The following NCKAP5 variants were observed in gnomAD, a reference collection of about 807,000 sequenced individuals.
The protein encoded by NCKAP5 is NCK associated protein 5.
In NCKAP5, 92 loss-of-function variants were observed where a neutral mutation model predicts 167.0. The observed-to-expected ratio is 0.55, with a 90% CI of 0.47 to 0.66. NCKAP5 has a LOEUF of 0.66. Among genes scored for constraint, NCKAP5 ranks in the 30% least tolerant of loss-of-function variants. The probability of loss-of-function intolerance (pLI) is 0.00; values close to 1 mark genes in which losing one functional copy is unlikely to be tolerated. For synonymous variants in NCKAP5, 891 were observed against 877.4 expected (o/e 1.02, Z -0.27); for missense variants, 2,378 against 2,315.0 (o/e 1.03, Z -0.56).
Position 132,782,287 on chromosome 2 carries a change from G to A in NCKAP5, c.4524C>T (p.Ser1508=), listed in dbSNP as rs1353510611. 6.2e-7 allele frequency: 1 copy of A among 1,613,982 alleles called. No homozygotes were observed. The highest frequency in any genetic ancestry group is 1.7e-4 in the Middle Eastern group (1 of 6,060). ...AKQKPGPSFA[S]WFGFRKSRLP... is the part of the protein sequence containing the mutation. ...GTCTACTCTTCCGAAAACCAAACCA[G>A]CTGGCAAAAGAAGGCCCAGGCTTCT... The change falls in exon 14 of 20, where the codon AGC becomes AGT. Residue 1508 remains serine, a synonymous_variant. Transcript: ENST00000409261.
intron 2 of NCKAP5, among the ~76,000 whole-genome samples, chr2:133,551,422 C>T (rs1219367229): frequency 8.9e-6 from 1 of 112,592 alleles, no homozygotes; most frequent in Non-Finnish European, 1.8e-5. Flanking sequence ...CAGAACAGAG[C>T]CCTCAGAAAT....
intron 11 of NCKAP5, among the ~76,000 whole-genome samples, chr2:132,838,493 G>A (rs1041153555): frequency 5.3e-5 from 8 of 152,054 alleles, no homozygotes; most frequent in African/African-American, 1.4e-4. Flanking sequence ...TTAGCCGGGC[G>A]TGGTGGCAGG....
chr2:132,977,064 G>C (rs2076997417), intron 7 of NCKAP5, among the ~76,000 whole-genome samples: 1 of 152,148 alleles, frequency 6.6e-6, no homozygotes, highest in Admixed American at 6.5e-5. Context: ...CTCAGTCCAA[G>C]TTCAGTAAGT....
At chr2:133,380,997 T>G (rs1686480476) in intron 3 of NCKAP5, among the ~76,000 whole-genome samples, 1 of 152,168 alleles carries the variant, frequency 6.6e-6, no homozygotes, top group African/African-American at 2.4e-5. Context: ...CCCCCTCTTA[T>G]CCCACAAAAT....
intron 3 of NCKAP5, among the ~76,000 whole-genome samples, chr2:133,303,687 T>A (rs937536013): frequency 6.7e-6 from 1 of 150,052 alleles, no homozygotes; most frequent in Non-Finnish European, 1.5e-5. Context: ...TAAAAAGACC[T>A]GAAAGGTATG....
upstream of NCKAP5, among the ~76,000 whole-genome samples, chr2:133,571,321 A>G (rs930199404): frequency 6.6e-6 from 1 of 152,010 alleles, no homozygotes; most frequent in African/African-American, 2.4e-5. Context: ...AAATACAAGT[A>G]TTTAGCTAGA....
the NCKAP5 span, among the ~76,000 whole-genome samples, chr2:133,612,874 T>C: frequency 6.6e-6 from 1 of 152,166 alleles, no homozygotes; most frequent in Non-Finnish European, 1.5e-5. Context: ...GTTTGCTGAA[T>C]TAACCAGGAG....
chr2:133,151,960 C>T lies in NCKAP5; in HGVS notation c.208-21849G>A, dbSNP rs145466285. Among the ~76,000 whole-genome samples, 7 of 152,144 alleles carry T rather than the reference C, an allele frequency of 4.6e-5. No homozygotes were observed. The East Asian group carries it at 1.4e-3, about 29-fold the overall frequency. ...CACCTCAATAAAAAACAAAAACCAA[C>T]AACCTGCACATGAATGTTCATAGCA... On this transcript the variant is annotated intron_variant, in intron 5 of 19. Coordinates refer to ENST00000409261, the MANE Select transcript of NCKAP5 (RefSeq NM_207363.3).
At chr2:133,333,432 A>G (rs2150734561) in intron 3 of NCKAP5, among the ~76,000 whole-genome samples, 1 of 152,234 alleles carries the variant, frequency 6.6e-6, no homozygotes, top group Non-Finnish European at 1.5e-5. Context: ...ATGAATGTTA[A>G]TGCTCTCTGC....
intron 3 of NCKAP5, among the ~76,000 whole-genome samples, chr2:133,406,426 G>C (rs73957086): frequency 0.12 from 17,850 of 152,144 alleles, 1,169 homozygotes; most frequent in Non-Finnish European, 0.15. Flanking sequence ...GAGAAGAGAC[G>C]TGAAATATAA....
intron 7 of NCKAP5, among the ~76,000 whole-genome samples, chr2:132,986,740 T>C (rs1001181213): frequency 3.9e-5 from 6 of 152,142 alleles, no homozygotes; most frequent in Admixed American, 1.3e-4. Flanking sequence ...TTCTCTCCAG[T>C]GTATTTAAAT....
the NCKAP5 span, among the ~76,000 whole-genome samples, chr2:133,660,474 C>T: frequency 5.3e-5 from 8 of 152,096 alleles, no homozygotes; most frequent in South Asian, 2.1e-4. Context: ...AAAACTATCT[C>T]GGGGTGATGG....
chr2:133,613,990 T>C, the NCKAP5 span, among the ~76,000 whole-genome samples: 2 of 152,176 alleles, frequency 1.3e-5, no homozygotes, highest in Non-Finnish European at 1.5e-5. Flanking sequence ...AGATGGCAGA[T>C]AGCAGGCAGG....
intron 12 of NCKAP5, among the ~76,000 whole-genome samples, chr2:132,793,762 A>AG (rs538321458): frequency 1.3e-5 from 2 of 152,264 alleles, no homozygotes; most frequent in South Asian, 4.1e-4. Context: ...GTGTAGCGGT[A>AG]GTTACAGAGT....
chr2:132,784,276 T>C lies in NCKAP5; in HGVS notation c.2535A>G (p.Ser845=), dbSNP rs1181835434. The C allele has an allele frequency of 1.2e-6, 2 of 1,612,492 alleles. No individual in the cohort carries two copies. Among genetic ancestry groups the C allele is most frequent in the Non-Finnish European group, 1.7e-6 (2 of 1,179,500 alleles). The change falls in exon 14 of 20, where the codon TCA becomes TCG. Residue 845 remains serine, a synonymous_variant. Transcript: ENST00000409261. ...KSPALAPGKL[S]RFMKTESSGP... Reference sequence around the variant, plus strand: ...CTGAGCTCTCAGTCTTCATGAATCGTGAGAGTTTCCCAGGAGCTAAGGCTG... The same window carrying C: ...CTGAGCTCTCAGTCTTCATGAATCGCGAGAGTTTCCCAGGAGCTAAGGCTG...
At chr2:132,977,805 G>A (rs988186625) in intron 7 of NCKAP5, among the ~76,000 whole-genome samples, 1 of 151,290 alleles carries the variant, frequency 6.6e-6, no homozygotes, top group African/African-American at 2.4e-5. Context: ...GCATAGGGTA[G>A]GGCTGAATTG....
intron 3 of NCKAP5, among the ~76,000 whole-genome samples, chr2:133,325,458 G>A (rs1193211350): frequency 3.3e-5 from 5 of 152,170 alleles, no homozygotes; most frequent in African/African-American, 9.7e-5. Context: ...TTTCCTGAGG[G>A]ATTTCCATGT....
intron 3 of NCKAP5, among the ~76,000 whole-genome samples, chr2:133,378,123 A>C (rs1371013172): frequency 1.3e-5 from 2 of 152,216 alleles, no homozygotes; most frequent in Non-Finnish European, 2.9e-5. Context: ...AAATAAAACT[A>C]ACCTATTAAC....
In NCKAP5 at chr2:133,205,755, C is replaced by T. The variant is rs547876867; in HGVS notation, c.207+7961G>A. On this transcript the variant is annotated intron_variant, in intron 5 of 19. Coordinates refer to ENST00000409261, the MANE Select transcript of NCKAP5 (RefSeq NM_207363.3). ...TTCCATCTTCCCTTCCATGAATATG[C>T]CATATATATATATCTCTTTTTATAT... is the stretch of plus-strand genomic sequence containing the variant. 2.7e-5 allele frequency among the ~76,000 whole-genome samples: 4 copies of T among 150,118 alleles called. No homozygotes were observed. The East Asian group carries it at 5.8e-4, about 22-fold the overall frequency.
Sources: gnomAD v4.1 joint callset for allele counts (sites outside exome capture counted in the v4.1 genomes callset) on GRCh38, gnomAD v4.1.1 for gene constraint, MANE v1.5 for transcripts, NCBI Gene and HGNC (gene_info 2026-07-23, HGNC 2026-07-21) for gene names.